DNAJC9: variants seen among roughly 807,000 people sequenced by gnomAD.
DNAJC9 encodes the protein dnaJ homolog subfamily C member 9.
A neutral mutation model predicts 32.4 loss-of-function variants in DNAJC9; 18 were observed. The observed-to-expected ratio is 0.56, with a 90% CI of 0.38 to 0.82. DNAJC9 has a LOEUF of 0.82. Among genes scored for constraint, DNAJC9 ranks in the 40% least tolerant of loss-of-function variants. The pLI is 0.00. For synonymous variants in DNAJC9, 113 were observed against 122.1 expected, an observed-to-expected ratio of 0.93 and a Z score of 0.49; for missense variants, 310 against 321.8, an observed-to-expected ratio of 0.96 and a Z score of 0.28.
chr10:73,239,290 T>C (rs1325574006), downstream of DNAJC9: 3 of 1,542,714 alleles, frequency 1.9e-6, no homozygotes, highest in East Asian at 2.4e-5. Flanking sequence ...TCATAAGAAG[T>C]GTCTCCTCTT....
downstream of DNAJC9, among the ~76,000 whole-genome samples, chr10:73,237,824 A>G (rs548342827): frequency 6.6e-6 from 1 of 152,226 alleles, no homozygotes; most frequent in African/African-American, 2.4e-5. Context: ...CCTGGGCTCA[A>G]GTGATCCTCC....
At chr10:73,239,947 GAC>G (rs2043904426), downstream of DNAJC9, among the ~76,000 whole-genome samples, 1 of 152,080 alleles carries the variant, frequency 6.6e-6, no homozygotes, top group East Asian at 1.9e-4. Context: ...TCTTTTTTGA[GAC>G]AGTCTCACTC....
intron 2 of DNAJC9, 111 bp downstream of exon 2, chr10:73,246,577 T>C (rs1224631265): frequency 1.5e-5 from 19 of 1,305,538 alleles, no homozygotes; most frequent in Non-Finnish European, 2.0e-5. Context: ...AAACTCAAAA[T>C]TCCTAATTCC....
At chr10:73,245,503 C>T (rs906293781) in intron 3 of DNAJC9, among the ~76,000 whole-genome samples, 7 of 151,924 alleles carry the variant, frequency 4.6e-5, no homozygotes, top group African/African-American at 1.7e-4. Flanking sequence ...GAATCAAATT[C>T]GGGGCAAAGG....
chr10:73,246,353 C>G, intron 2 of DNAJC9, among the ~76,000 whole-genome samples, 177 bp from the exon 3 acceptor site: 1 of 145,162 alleles, frequency 6.9e-6, no homozygotes, highest in East Asian at 2.2e-4. Flanking sequence ...TAAATCCAAT[C>G]TTCATTAACT....
chr10:73,243,896 T>C lies in DNAJC9; in HGVS notation c.610A>G (p.Arg204Gly). The C allele has an allele frequency of 1.2e-6, 2 of 1,614,140 alleles. No homozygotes were observed. Among genetic ancestry groups the C allele is most frequent in the East Asian group, 4.5e-5 (2 of 44,878 alleles). The change falls in exon 4 of 5, where the codon AGA becomes GGA. Residue 204 changes from arginine to glycine, a missense_variant. By Grantham distance (125) the Arg-to-Gly change is moderately radical. Transcript: ENST00000372950. The stretch of plus-strand genomic sequence containing the variant: ...CCTTCATCAAGCCCCAACTCCTTTC[T>C]GCTCATTTCTGCTTCTTTGGCCTCT... The part of the protein sequence containing the change: ...QEEAKEAEMS[R>G]KELGLDEGVD...
intron 2 of DNAJC9, among the ~76,000 whole-genome samples, chr10:73,232,580 G>C (rs2043731134): frequency 6.6e-6 from 1 of 152,228 alleles, no homozygotes; most frequent in Admixed American, 6.5e-5. Context: ...AACAGAGTAG[G>C]AATCAGCCCC....
chr10:73,245,118 G>A (rs529596925), intron 3 of DNAJC9, among the ~76,000 whole-genome samples: 78 of 148,590 alleles, frequency 5.2e-4, no homozygotes, highest in African/African-American at 1.9e-3. Flanking sequence ...ACACTCCACC[G>A]TTCCCCTCAA....
chr10:73,233,221 C>T (rs1046159396), intron 2 of DNAJC9: 1 of 1,179,450 alleles, frequency 8.5e-7, no homozygotes, highest in East Asian at 2.5e-5. Flanking sequence ...ATTTTACATA[C>T]AGAATTAATT....
Position 73,242,377 on chromosome 10 carries a change from A to G in DNAJC9, c.*1023T>C, listed in dbSNP as rs560094114. ...CACAAACCATTACCATGAGTTCACT[A>G]TAACAACTGGATCAATATGGCTTGC... On this transcript the variant is annotated 3_prime_UTR_variant, in exon 5 of 5. Transcript: ENST00000372950. 39 of 152,264 alleles carry G rather than the reference A, an allele frequency of 2.6e-4. No homozygotes were observed. Among genetic ancestry groups the G allele is most frequent in the Non-Finnish European group, 4.3e-4 (29 of 68,026 alleles). 9.4% of individuals were successfully genotyped at this position (152,264 alleles called of 1,614,324 possible). A position where few individuals can be genotyped will look rare whatever the true frequency, so the allele number is the denominator to read the frequency against.
chr10:73,240,082 C>A (rs2133418931), downstream of DNAJC9, among the ~76,000 whole-genome samples: 1 of 152,220 alleles, frequency 6.6e-6, no homozygotes, highest in South Asian at 2.1e-4. Flanking sequence ...TGCCACCATG[C>A]CCAGGTAATT....
downstream of DNAJC9, chr10:73,234,148 G>A (rs1179712365): frequency 6.6e-6 from 1 of 152,288 alleles, no homozygotes; most frequent in Non-Finnish European, 1.5e-5. Context: ...GGCCACAGCA[G>A]TGTTTTCAAT....
chr10:73,241,032 G>A (rs755086305), downstream of DNAJC9: 7 of 1,441,846 alleles, frequency 4.9e-6, no homozygotes, highest in Non-Finnish European at 6.7e-6. Context: ...CAAATGAGAA[G>A]AATCTATCAG....
intron 2 of DNAJC9, chr10:73,233,045 A>C (rs2133405359): frequency 6.4e-7 from 1 of 1,551,746 alleles, no homozygotes; most frequent in East Asian, 2.4e-5. Flanking sequence ...TCTGTCATAC[A>C]CAGTGCAGTC....
At chr10:73,238,796 G>A (rs2043881061), downstream of DNAJC9, 1 of 152,260 alleles carries the variant, frequency 6.6e-6, no homozygotes. Flanking sequence ...TTTGATATTT[G>A]CATTTTAATA....
downstream of DNAJC9, chr10:73,234,936 A>C (rs1182778922): frequency 6.4e-7 from 1 of 1,552,004 alleles, no homozygotes; most frequent in East Asian, 2.4e-5. Context: ...CCACAAAGAC[A>C]GATGGTATGT....
Position 73,246,084 on chromosome 10 carries a change from C to T in DNAJC9, c.414G>A (p.Lys138=), listed in dbSNP as rs1408523214. 3.7e-6 allele frequency: 6 copies of T among 1,613,838 alleles called. No individual in the cohort carries two copies. The highest frequency in any genetic ancestry group is 5.1e-6 in the Non-Finnish European group (6 of 1,179,904). The stretch of plus-strand genomic sequence containing the variant: ...ACTCCATGATCTGATCCATGTCACC[C>T]TTGAAGTCCAGATAGGCCTGCTTAA... ...ADIKQAYLDF[K]GDMDQIMESV... The change falls in exon 3 of 5, where the codon AAG becomes AAA. Residue 138 remains lysine (K), a synonymous_variant. Transcript: ENST00000372950.
At chr10:73,245,540 C>T (rs2043997570) in intron 3 of DNAJC9, among the ~76,000 whole-genome samples, 1 of 152,094 alleles carries the variant, frequency 6.6e-6, no homozygotes, top group Non-Finnish European at 1.5e-5. Flanking sequence ...TTTAACAAGA[C>T]GGTGTCTGCC....
downstream of DNAJC9, chr10:73,241,402 T>C (rs987059146): frequency 8.6e-6 from 2 of 233,774 alleles, no homozygotes; most frequent in African/African-American, 4.6e-5. Flanking sequence ...ACAATATCAC[T>C]GGCTTCAGAA....
Sources: allele counts gnomAD v4.1 joint callset (sites outside exome capture counted in the v4.1 genomes callset), GRCh38; gene constraint gnomAD v4.1.1; transcripts MANE v1.5; gene names NCBI Gene and HGNC (gene_info 2026-07-23, HGNC 2026-07-21).